Variants in NRG1 observed in about 807,000 individuals in gnomAD.
NRG1 encodes the protein neuregulin 1, also known as pro-neuregulin-1, membrane-bound isoform.
A neutral mutation model predicts 63.8 loss-of-function variants in NRG1; 18 were observed. The observed-to-expected ratio is 0.28, with a 90% CI of 0.19 to 0.42. The LOEUF is 0.42. NRG1 is among the 10% of genes least tolerant of loss of function. The pLI is 1.00. For missense variants in NRG1, 762 were observed against 814.7 expected (o/e 0.94, Z 0.79); for synonymous variants, 302 against 301.3 (o/e 1.00, Z -0.02).
chr8:32,399,007 T>C (rs11779244), intron 1 of NRG1, among the ~76,000 whole-genome samples: 40,878 of 152,162 alleles, frequency 0.27, 5,772 homozygotes, highest in Middle Eastern at 0.33. Context: ...TCATTTATTT[T>C]GTACGAATGT....
chr8:32,191,544 C>CT (rs1842496535), intron 1 of NRG1, among the ~76,000 whole-genome samples: 1 of 152,126 alleles, frequency 6.6e-6, no homozygotes, highest in African/African-American at 2.4e-5. Context: ...TAATGTTAAG[C>CT]TTTTTTGCCG....
intron 5 of NRG1, among the ~76,000 whole-genome samples, chr8:32,658,379 A>C (rs530358828): frequency 6.6e-6 from 1 of 152,312 alleles, no homozygotes; most frequent in South Asian, 2.1e-4. Flanking sequence ...TGAATATAGG[A>C]TCTTCACAAT....
intron 1 of NRG1, among the ~76,000 whole-genome samples, chr8:32,372,278 G>C (rs2881650): frequency 0.058 from 8,758 of 151,964 alleles, 326 homozygotes; most frequent in Middle Eastern, 0.1. Context: ...GTGTGACCCA[G>C]TGTGCCCAGC....
At chr8:32,682,476 C>T (rs573142361) in intron 5 of NRG1, among the ~76,000 whole-genome samples, 1 of 152,170 alleles carries the variant, frequency 6.6e-6, no homozygotes, top group South Asian at 2.1e-4. Flanking sequence ...GTAAAATGAT[C>T]CCTGTAATAC....
At chr8:32,727,245 A>T (rs1243059259) in intron 5 of NRG1, among the ~76,000 whole-genome samples, 1 of 152,212 alleles carries the variant, frequency 6.6e-6, no homozygotes, top group African/African-American at 2.4e-5. Context: ...CTCATTCTAA[A>T]TGGAGATATT....
At chr8:32,485,705 A>G (rs1039362612) in intron 1 of NRG1, among the ~76,000 whole-genome samples, 4 of 152,242 alleles carry the variant, frequency 2.6e-5, no homozygotes, top group African/African-American at 9.6e-5. Context: ...AACAATTGTC[A>G]GAATATTGCA....
intron 1 of NRG1, among the ~76,000 whole-genome samples, chr8:32,230,984 A>G (rs1051611306): frequency 2.0e-5 from 3 of 152,072 alleles, no homozygotes; most frequent in African/African-American, 7.2e-5. Context: ...CTATCTAACT[A>G]TGCTTTTGCA....
intron 1 of NRG1, among the ~76,000 whole-genome samples, chr8:32,582,424 T>C (rs1045674217): frequency 6.6e-6 from 1 of 152,182 alleles, no homozygotes; most frequent in African/African-American, 2.4e-5. Flanking sequence ...TAGTTTCCTT[T>C]AATAACATGA....
chr8:31,687,166 C>T (rs1052594938), intron 1 of NRG1, among the ~76,000 whole-genome samples: 1 of 152,102 alleles, frequency 6.6e-6, no homozygotes, highest in Non-Finnish European at 1.5e-5. Context: ...CTAAATGCAT[C>T]GACTATCTGG....
chr8:31,649,106 A>G (rs1243164573), intron 1 of NRG1, among the ~76,000 whole-genome samples: 2 of 152,038 alleles, frequency 1.3e-5, no homozygotes, highest in Admixed American at 1.3e-4. Flanking sequence ...GTACAGGTGC[A>G]TGCCACCATG....
intron 5 of NRG1, among the ~76,000 whole-genome samples, chr8:32,636,213 C>T (rs1360913508): frequency 6.6e-6 from 1 of 151,414 alleles, no homozygotes; most frequent in Non-Finnish European, 1.5e-5. Context: ...TGTTCGGGCG[C>T]AGGGGGTGGG....
intron 1 of NRG1, among the ~76,000 whole-genome samples, chr8:32,376,339 T>TA (rs1052231114): frequency 1.3e-5 from 2 of 152,166 alleles, no homozygotes; most frequent in African/African-American, 4.8e-5. Context: ...CTTCTTCTGT[T>TA]AACAGGACTC....
chr8:31,804,242 G>A (rs1051726932), intron 1 of NRG1, among the ~76,000 whole-genome samples: 1 of 152,088 alleles, frequency 6.6e-6, no homozygotes, highest in Non-Finnish European at 1.5e-5. Context: ...CAGTAATACT[G>A]GCCTCTGTGT....
intron 1 of NRG1, among the ~76,000 whole-genome samples, chr8:31,913,262 C>T (rs1220152808): frequency 6.6e-6 from 1 of 152,038 alleles, no homozygotes; most frequent in Non-Finnish European, 1.5e-5. Flanking sequence ...CTTCTATGTC[C>T]TATTTATAAG....
chr8:31,749,801 G>T (rs1053064190), intron 1 of NRG1, among the ~76,000 whole-genome samples: 2 of 151,390 alleles, frequency 1.3e-5, no homozygotes, highest in African/African-American at 4.8e-5. Flanking sequence ...ATATCAGATA[G>T]AATTAAGTGT....
chr8:31,823,603 C>T (rs1201954217), intron 1 of NRG1, among the ~76,000 whole-genome samples: 1 of 152,162 alleles, frequency 6.6e-6, no homozygotes, highest in Non-Finnish European at 1.5e-5. Flanking sequence ...GATTTTAACA[C>T]ATGCCTTTGG....
intron 5 of NRG1, among the ~76,000 whole-genome samples, chr8:32,685,969 G>A (rs560910015): frequency 3.9e-5 from 6 of 152,278 alleles, no homozygotes; most frequent in South Asian, 4.1e-4. Flanking sequence ...TTTGGAATAC[G>A]TAGCTTTCTC....
chr8:32,455,186 G>A (rs915350446), intron 1 of NRG1, among the ~76,000 whole-genome samples: 4 of 151,990 alleles, frequency 2.6e-5, no homozygotes, highest in East Asian at 1.9e-4. Context: ...ATTCAGCTCC[G>A]GACTTAGCCT....
intron 1 of NRG1, among the ~76,000 whole-genome samples, chr8:32,160,540 C>A (rs1838709204): frequency 6.6e-6 from 1 of 152,106 alleles, no homozygotes; most frequent in Admixed American, 6.6e-5. Flanking sequence ...ATGACCTTAA[C>A]CATTAAGTGA....
Sources: gnomAD v4.1 joint callset for allele counts (sites outside exome capture counted in the v4.1 genomes callset) on GRCh38, gnomAD v4.1.1 for gene constraint, MANE v1.5 for transcripts, NCBI Gene and HGNC (gene_info 2026-07-23, HGNC 2026-07-21) for gene names.